Variants in GALNT13 observed in about 807,000 individuals in gnomAD.
The protein encoded by GALNT13 is UDP-GalNAc:polypeptide N-acetylgalactosaminyltransferase 13.
A neutral mutation model predicts 64.2 loss-of-function variants in GALNT13; 28 were observed. The ratio of observed to expected loss-of-function variants is 0.44; its 90% CI spans 0.32 to 0.60. The LOEUF is 0.60. Among genes scored for constraint, GALNT13 ranks in the 20% least tolerant of loss-of-function variants. GALNT13 has a pLI of 0.05. For synonymous variants in GALNT13, 214 were observed against 224.6 expected, an observed-to-expected ratio of 0.95 and a Z score of 0.42; for missense variants, 577 against 669.8, an observed-to-expected ratio of 0.86 and a Z score of 1.53.
chr2:154,288,389 C>T lies in GALNT13; in HGVS notation c.976-13020C>T, dbSNP rs141584058. 1.5e-3 allele frequency among the ~76,000 whole-genome samples: 222 copies of T among 152,122 alleles called. 2 individuals carry two copies. The highest frequency in any genetic ancestry group is 5.2e-3 in the African/African-American group (217 of 41,526). ...CCTCTGGCCCCTCCCAAATGTGAGC[C>T]CCTCATGTCCTCACATTTCAAAACC... On this transcript the variant is annotated intron_variant, in intron 8 of 12. Transcript: ENST00000392825.
chr2:154,407,661 GTCTTTTTT>G (rs1699610839), intron 10 of GALNT13, among the ~76,000 whole-genome samples: 1 of 151,972 alleles, frequency 6.6e-6, no homozygotes, highest in Non-Finnish European at 1.5e-5. Flanking sequence ...TGTGTGTTTT[GTCTTTTTT>G]AATGGGTTGC....
At chr2:154,081,173 T>A (rs1476332655) in intron 3 of GALNT13, among the ~76,000 whole-genome samples, 1 of 151,606 alleles carries the variant, frequency 6.6e-6, no homozygotes, top group Non-Finnish European at 1.5e-5. Context: ...CCATACTCTA[T>A]GTAAATCTCT....
At position 154,242,654 on chromosome 2, in the gene GALNT13, A is replaced by G. The variant is rs758615923; in HGVS notation, c.479-44A>G. ...GGTAGTATCTCTGCTATTTCTTAAAACAGTTTCAAAAATTTTTCTTATAAA... is the reference window on the plus strand; with the variant it reads ...GGTAGTATCTCTGCTATTTCTTAAAGCAGTTTCAAAAATTTTTCTTATAAA... On this transcript the variant is annotated intron_variant, in intron 5 of 12. Transcript: ENST00000392825. The G allele has an allele frequency of 2.4e-4, 327 of 1,347,858 alleles. 1 individual carries two copies. The highest frequency in any genetic ancestry group is 3.1e-4 in the Non-Finnish European group (295 of 955,442). 83.5% of individuals were successfully genotyped at this position (1,347,858 alleles called of 1,614,324 possible).
chr2:153,389,277 C>T, the GALNT13 span, among the ~76,000 whole-genome samples: 4 of 152,040 alleles, frequency 2.6e-5, no homozygotes, highest in Non-Finnish European at 5.9e-5. Context: ...GGGAGGTATA[C>T]GTTTTGAATT....
the GALNT13 span, among the ~76,000 whole-genome samples, chr2:153,645,222 G>T: frequency 6.6e-5 from 10 of 152,210 alleles, no homozygotes; most frequent in African/African-American, 2.4e-4. Flanking sequence ...GCTAGATGTG[G>T]CTTTGCTCAA....
intron 2 of GALNT13, among the ~76,000 whole-genome samples, chr2:153,940,261 T>C (rs1162995600): frequency 2.8e-5 from 1 of 35,342 alleles, no homozygotes; most frequent in Non-Finnish European, 4.8e-5. Flanking sequence ...AGTTTTTGTC[T>C]TTTTTTTTTT....
intron 9 of GALNT13, among the ~76,000 whole-genome samples, chr2:154,335,243 G>A (rs1397929050): frequency 9.3e-5 from 6 of 64,248 alleles, no homozygotes; most frequent in Admixed American, 4.4e-4. Flanking sequence ...AAAAAAAGAC[G>A]AGTCACGATT....
the GALNT13 span, among the ~76,000 whole-genome samples, chr2:153,649,022 A>G: frequency 1.3e-5 from 2 of 152,258 alleles, no homozygotes; most frequent in Admixed American, 1.3e-4. Context: ...GTTGATTGGA[A>G]TAGTTTCAGA....
the GALNT13 span, among the ~76,000 whole-genome samples, chr2:153,678,616 C>T: frequency 4.2e-4 from 64 of 151,962 alleles, no homozygotes; most frequent in African/African-American, 1.4e-3. Context: ...GTATGCCAAA[C>T]CTCCATGCAA....
the GALNT13 span, among the ~76,000 whole-genome samples, chr2:153,183,726 G>A: frequency 1.3e-5 from 2 of 152,182 alleles, no homozygotes; most frequent in South Asian, 4.1e-4. Flanking sequence ...TAAGGAGGCA[G>A]TCTCTCCCCC....
Position 154,041,296 on chromosome 2 carries a change from T to C in GALNT13, c.142+96657T>C, listed in dbSNP as rs1437108350. On this transcript the variant is annotated intron_variant, in intron 3 of 12. Transcript: ENST00000392825. ...TTTAGACTATATTATTTTGCTTGTA[T>C]TCCACAATAACTGTGTTATTACTTC... 1.4e-5 allele frequency among the ~76,000 whole-genome samples: 2 copies of C among 140,864 alleles called. 1 individual carries two copies. The highest frequency in any genetic ancestry group is 3.3e-5 in the Non-Finnish European group (2 of 61,330). 92.4% of individuals were successfully genotyped at this position (140,864 alleles called of 152,430 possible).
the GALNT13 span, among the ~76,000 whole-genome samples, chr2:153,103,883 A>T: frequency 9.2e-5 from 14 of 152,146 alleles, no homozygotes; most frequent in Non-Finnish European, 1.9e-4. Flanking sequence ...CTTTGAGAAA[A>T]TTTTTTGTGG....
intron 11 of GALNT13, among the ~76,000 whole-genome samples, chr2:154,410,736 C>G (rs183972268): frequency 6.7e-6 from 1 of 149,466 alleles, no homozygotes; most frequent in African/African-American, 2.4e-5. Context: ...GTTTGAACAA[C>G]TTATGGCAAA....
Position 153,963,669 on chromosome 2 carries a change from T to G in GALNT13, c.142+19030T>G, listed in dbSNP as rs764723512. Among the ~76,000 whole-genome samples, 5 of 151,996 alleles carry G rather than the reference T, an allele frequency of 3.3e-5. No individual in the cohort carries two copies. The South Asian group carries it at 1.0e-3, about 32-fold the overall frequency. ...ATTTTGACTTGGATTTCGTGATAACTATTGATACTGAGCATCAATTTCTCT... is the reference window on the plus strand; with the variant it reads ...ATTTTGACTTGGATTTCGTGATAACGATTGATACTGAGCATCAATTTCTCT... On this transcript the variant is annotated intron_variant, in intron 3 of 12. Coordinates refer to ENST00000392825, the MANE Select transcript of GALNT13 (RefSeq NM_052917.4).
At chr2:153,561,488 A>G in the GALNT13 span, among the ~76,000 whole-genome samples, 1 of 152,088 alleles carries the variant, frequency 6.6e-6, no homozygotes, top group Admixed American at 6.6e-5. Flanking sequence ...TTTGGGCACA[A>G]AATAATGTTT....
chr2:153,562,021 C>T, the GALNT13 span, among the ~76,000 whole-genome samples: 2 of 147,620 alleles, frequency 1.4e-5, no homozygotes, highest in African/African-American at 5.0e-5. Context: ...ACCATTCTCC[C>T]TCCCTCTCCT....
intron 3 of GALNT13, among the ~76,000 whole-genome samples, chr2:153,996,751 A>G (rs905346529): frequency 6.6e-5 from 10 of 152,054 alleles, no homozygotes; most frequent in Admixed American, 2.0e-4. Flanking sequence ...TCTTGAATCA[A>G]TTTTGTGAAG....
the GALNT13 span, among the ~76,000 whole-genome samples, chr2:153,768,996 C>T: frequency 1.3e-5 from 2 of 152,130 alleles, no homozygotes; most frequent in Non-Finnish European, 2.9e-5. Context: ...TGTCTTTAGT[C>T]ATTACACCTG....
At chr2:153,831,624 T>C in the GALNT13 span, among the ~76,000 whole-genome samples, 1 of 151,968 alleles carries the variant, frequency 6.6e-6, no homozygotes, top group African/African-American at 2.4e-5. Context: ...GAGGCCCTCC[T>C]CGACTTCAAA....
Sources: allele counts gnomAD v4.1 joint callset (sites outside exome capture counted in the v4.1 genomes callset), GRCh38; gene constraint gnomAD v4.1.1; transcripts MANE v1.5; gene names NCBI Gene and HGNC (gene_info 2026-07-23, HGNC 2026-07-21).